The following RGS7 variants were observed in gnomAD, a reference collection of about 807,000 sequenced individuals.
RGS7 encodes the protein regulator of G-protein signaling 7.
Under a neutral mutation model 81.1 loss-of-function variants are expected in RGS7, and 27 were observed. The observed-to-expected ratio is 0.33, with a 90% CI of 0.25 to 0.46. RGS7 has a LOEUF of 0.46. Ranked by LOEUF, RGS7 falls within the 20% of genes least tolerant of loss-of-function variation. RGS7 has a pLI of 1.00. For missense variants in RGS7, 396 were observed against 607.4 expected (o/e 0.65, Z 3.66); for synonymous variants, 208 against 207.7 (o/e 1.00, Z -0.01).
rs1417752350 is a variant in RGS7, at chr1:240,855,353, A to G, written c.609+13234T>C. On this transcript the variant is annotated intron_variant, in intron 9 of 18. Transcript: ENST00000440928. ...GGAGAAACAAAGAAGAAAAGGAAGA[A>G]ATTATCTAAATTTCTTATCCAATTT... Among the ~76,000 whole-genome samples the G allele has an allele frequency of 1.3e-5, 2 of 150,496 alleles. 1 individual carries two copies. Among genetic ancestry groups the G allele is most frequent in the African/African-American group, 4.9e-5 (2 of 41,066 alleles).
chr1:240,925,282 TC>T (rs1186028228), intron 6 of RGS7, among the ~76,000 whole-genome samples: 1 of 151,850 alleles, frequency 6.6e-6, no homozygotes, highest in African/African-American at 2.4e-5. Flanking sequence ...CCTCCATCAT[TC>T]CCCCCACCAG....
At chr1:241,298,423 A>AT (rs1202561131) in intron 2 of RGS7, among the ~76,000 whole-genome samples, 2 of 152,102 alleles carry the variant, frequency 1.3e-5, no homozygotes, top group East Asian at 1.9e-4. Flanking sequence ...CCAAACTGGG[A>AT]TTTTCCTGAC....
intron 6 of RGS7, among the ~76,000 whole-genome samples, chr1:240,895,813 T>C (rs1173725727): frequency 1.3e-5 from 2 of 152,224 alleles, no homozygotes; most frequent in Non-Finnish European, 2.9e-5. Flanking sequence ...AGTAATGGGA[T>C]TGCTGGGTCA....
At chr1:241,282,360 T>C (rs1157189481) in intron 2 of RGS7, among the ~76,000 whole-genome samples, 1 of 152,238 alleles carries the variant, frequency 6.6e-6, no homozygotes, top group African/African-American at 2.4e-5. Flanking sequence ...TTTGGTGTCC[T>C]CACATTCATT....
chr1:241,294,283 C>A (rs1299123912), intron 2 of RGS7, among the ~76,000 whole-genome samples: 3 of 151,112 alleles, frequency 2.0e-5, no homozygotes, highest in Non-Finnish European at 4.4e-5. Flanking sequence ...CACACTGGGA[C>A]CTGTCGGGGG....
chr1:241,140,300 C>T (rs2067837435), intron 2 of RGS7, among the ~76,000 whole-genome samples: 1 of 152,206 alleles, frequency 6.6e-6, no homozygotes. Flanking sequence ...CTACCAGGAG[C>T]TCCCTCCTCT....
intron 2 of RGS7, among the ~76,000 whole-genome samples, chr1:241,309,236 A>G (rs1466184845): frequency 6.6e-6 from 1 of 151,850 alleles, no homozygotes; most frequent in East Asian, 1.9e-4. Context: ...AAAATACAAA[A>G]TTAGCCGGGC....
intron 10 of RGS7, among the ~76,000 whole-genome samples, chr1:240,822,199 G>C (rs1386994694): frequency 1.3e-5 from 2 of 152,090 alleles, no homozygotes; most frequent in East Asian, 3.9e-4. Flanking sequence ...GAGCAAGAAG[G>C]GATTCTGTCT....
At chr1:241,147,255 A>G (rs1455274077) in intron 2 of RGS7, among the ~76,000 whole-genome samples, 1 of 152,226 alleles carries the variant, frequency 6.6e-6, no homozygotes, top group Non-Finnish European at 1.5e-5. Flanking sequence ...AATGAATAAT[A>G]TGAAGAAATT....
At chr1:241,347,353 C>T (rs1449318740) in intron 2 of RGS7, among the ~76,000 whole-genome samples, 2 of 152,158 alleles carry the variant, frequency 1.3e-5, no homozygotes. Context: ...GAATTCACAT[C>T]CAGCTCTTCT....
chr1:241,215,367 A>C (rs1454092968), intron 2 of RGS7, among the ~76,000 whole-genome samples: 1 of 152,184 alleles, frequency 6.6e-6, no homozygotes, highest in Admixed American at 6.5e-5. Flanking sequence ...TCATACTTCA[A>C]ACGCTGGCTC....
chr1:240,831,288 G>C (rs1425788557), intron 9 of RGS7, among the ~76,000 whole-genome samples: 2 of 152,142 alleles, frequency 1.3e-5, no homozygotes, highest in Non-Finnish European at 2.9e-5. Context: ...AAAAAGCTTA[G>C]AGGCCCAAAG....
At chr1:240,852,422 A>T (rs986161149) in intron 9 of RGS7, among the ~76,000 whole-genome samples, 3 of 151,932 alleles carry the variant, frequency 2.0e-5, no homozygotes, top group African/African-American at 4.8e-5. Context: ...AAACCAAAAA[A>T]TGTGTGTGAT....
intron 18 of RGS7, among the ~76,000 whole-genome samples, chr1:240,796,673 G>A (rs1234141690): frequency 6.6e-6 from 1 of 152,084 alleles, no homozygotes; most frequent in Non-Finnish European, 1.5e-5. Context: ...GTGACAGAGT[G>A]AAATTGTGTC....
chr1:241,339,033 T>TC (rs2082391014), intron 2 of RGS7, among the ~76,000 whole-genome samples: 3 of 152,166 alleles, frequency 2.0e-5, no homozygotes, highest in African/African-American at 4.8e-5. Context: ...TTTATCCTGA[T>TC]GCTCTCTGCC....
chr1:240,781,115 T>G (rs1683982347), intron 18 of RGS7, among the ~76,000 whole-genome samples: 2 of 152,138 alleles, frequency 1.3e-5, no homozygotes, highest in South Asian at 4.1e-4. Flanking sequence ...CTACTAGTAC[T>G]TGGCCTGATA....
At chr1:241,248,014 G>C (rs1435829149) in intron 2 of RGS7, among the ~76,000 whole-genome samples, 2 of 152,176 alleles carry the variant, frequency 1.3e-5, no homozygotes, top group African/African-American at 4.8e-5. Flanking sequence ...AAATTACTGA[G>C]AGAAGAATGT....
intron 2 of RGS7, among the ~76,000 whole-genome samples, chr1:241,120,816 G>A (rs955744714): frequency 1.8e-4 from 28 of 152,236 alleles, no homozygotes; most frequent in African/African-American, 6.7e-4. Context: ...TAGCACAGCA[G>A]CAGGCTATGG....
Position 240,932,876 on chromosome 1 carries a change from C to CTTTTTTTTT in RGS7, c.334-2117_334-2109dup, listed in dbSNP as rs36194238. Among the ~76,000 whole-genome samples the CTTTTTTTTT allele has an allele frequency of 3.0e-4, 17 of 57,294 alleles. 1 individual carries two copies. Among genetic ancestry groups the CTTTTTTTTT allele is most frequent in the Non-Finnish European group, 3.1e-4 (10 of 32,058 alleles). 37.6% of individuals were successfully genotyped at this position (57,294 alleles called of 152,430 possible). On this transcript the variant is annotated intron_variant, in intron 5 of 18. Coordinates refer to ENST00000440928, the MANE Select transcript of RGS7 (RefSeq NM_001364886.1). ...GATATATTTCTACTTTGGTATCTTT[C>CTTTTTTTTT]TTTTTTTTTTTTTTTTTTTTTTTTT...
Sources: gnomAD v4.1 joint callset for allele counts (sites outside exome capture counted in the v4.1 genomes callset) on GRCh38, gnomAD v4.1.1 for gene constraint, MANE v1.5 for transcripts, NCBI Gene and HGNC (gene_info 2026-07-23, HGNC 2026-07-21) for gene names.